Variants in ADAMTS2 observed in about 807,000 individuals in gnomAD.
ADAMTS2 encodes A disintegrin and metalloproteinase with thrombospondin motifs 2.
In ADAMTS2, 50 loss-of-function variants were observed where a neutral mutation model predicts 123.0. The ratio of observed to expected loss-of-function variants is 0.41; its 90% CI spans 0.32 to 0.51. The LOEUF is 0.51. ADAMTS2 is among the 20% of genes least tolerant of loss of function. ADAMTS2 has a pLI of 0.35. For synonymous variants in ADAMTS2, 678 were observed against 695.4 expected (o/e 0.98, Z 0.39); for missense variants, 1,494 against 1,705.2 (o/e 0.88, Z 2.18).
At chr5:179,315,903 G>A (rs1561733124) in intron 2 of ADAMTS2, among the ~76,000 whole-genome samples, 1 of 152,152 alleles carries the variant, frequency 6.6e-6, no homozygotes, top group Non-Finnish European at 1.5e-5. Flanking sequence ...TGCGAGACGT[G>A]GGCAAGTCCC....
rs1046708764 is a variant in ADAMTS2, at chr5:179,307,641, C to T, written c.535-34577G>A. 7.2e-5 allele frequency among the ~76,000 whole-genome samples: 11 copies of T among 152,184 alleles called. No homozygotes were observed. The highest frequency in any genetic ancestry group is 1.9e-4 in the African/African-American group (8 of 41,448). ...GCGGCTTCCCACCACATGACTGCCC[C>T]GGTCCCCGCTGATTTCTCCTTCACT... On this transcript the variant is annotated intron_variant, in intron 2 of 21. Transcript: ENST00000251582. The surrounding 1 kb of genome is among the most constrained non-coding windows in gnomAD (Gnocchi z 5.6).
rs973462773 is a variant in ADAMTS2 at position 179,118,509 on chromosome 5, C to T, written c.3178+3152G>A. On this transcript the variant is annotated intron_variant, in intron 21 of 21. Coordinates refer to ENST00000251582, the MANE Select transcript of ADAMTS2 (RefSeq NM_014244.5). This position sits in a 1 kb window ranked among gnomAD's most constrained non-coding sequence, Gnocchi z 4.5. ...TAAACTTAAGTCACTGTAGGCTACT[C>T]CCACGATCTTGGCTACACCTGAACA... Among the ~76,000 whole-genome samples the T allele has an allele frequency of 3.3e-5, 5 of 152,160 alleles. No homozygotes were observed. The highest frequency in any genetic ancestry group is 6.5e-5 in the Admixed American group (1 of 15,274).
chr5:179,270,268 G>A (rs1433426825), intron 3 of ADAMTS2, among the ~76,000 whole-genome samples: 3 of 152,118 alleles, frequency 2.0e-5, no homozygotes. Context: ...CTGAAAAGGA[G>A]GCACCCCTGA....
At position 179,117,818 on chromosome 5, in the gene ADAMTS2, A is replaced by G. The variant is rs189342110; in HGVS notation, c.3179-3494T>C. Among the ~76,000 whole-genome samples the G allele has an allele frequency of 8.3e-3, 1,267 of 152,150 alleles. 15 individuals are homozygous for G. The highest frequency in any genetic ancestry group is 0.029 in the African/African-American group (1,208 of 41,512). The stretch of plus-strand genomic sequence containing the variant: ...CCCAAAGTGCTGGGATTACAGGTGT[A>G]AGCCACTGTGCCCGGCCCATGCATT... On this transcript the variant is annotated intron_variant, in intron 21 of 21. Transcript: ENST00000251582. This position sits in a 1 kb window ranked among gnomAD's most constrained non-coding sequence, Gnocchi z 4.2.
intron 3 of ADAMTS2, among the ~76,000 whole-genome samples, chr5:179,269,826 T>C (rs1037014693): frequency 1.3e-5 from 2 of 152,018 alleles, no homozygotes; most frequent in African/African-American, 2.4e-5. Flanking sequence ...AGAACAGGGA[T>C]TGGAGATGCC....
At position 179,188,621 on chromosome 5, in the gene ADAMTS2, G is replaced by A. The variant is rs1327892966; in HGVS notation, c.892-7466C>T. 6.6e-6 allele frequency among the ~76,000 whole-genome samples: 1 copy of A among 152,160 alleles called. No homozygotes were observed. The highest frequency in any genetic ancestry group is 2.4e-5 in the African/African-American group (1 of 41,434). ...ACTACCATGAAACGGAAATGGCCAG[G>A]ATCAGAATTACTAGGCTCAGTTCAT... On this transcript the variant is annotated intron_variant, in intron 4 of 21. Transcript: ENST00000251582. The surrounding 1 kb of genome is among the most constrained non-coding windows in gnomAD (Gnocchi z 5.1).
chr5:179,310,148 C>T (rs1230126487), intron 2 of ADAMTS2, among the ~76,000 whole-genome samples: 1 of 152,234 alleles, frequency 6.6e-6, no homozygotes, highest in African/African-American at 2.4e-5. Flanking sequence ...CCAGGGCTCC[C>T]TGCACGTCCC....
At chr5:179,236,979 G>T (rs115051671) in intron 3 of ADAMTS2, among the ~76,000 whole-genome samples, 2 of 152,104 alleles carry the variant, frequency 1.3e-5, no homozygotes, top group African/African-American at 4.8e-5. Context: ...CCATGGCCAG[G>T]TGCAGTGGCT....
At chr5:179,239,919 A>T (rs893014523) in intron 3 of ADAMTS2, among the ~76,000 whole-genome samples, 4 of 152,162 alleles carry the variant, frequency 2.6e-5, no homozygotes, top group Admixed American at 1.3e-4. Flanking sequence ...GAGGATTGGC[A>T]GGGAGATGCA....
At chr5:179,220,316 C>T (rs1196794270) in intron 3 of ADAMTS2, among the ~76,000 whole-genome samples, 1 of 152,170 alleles carries the variant, frequency 6.6e-6, no homozygotes, top group African/African-American at 2.4e-5. Flanking sequence ...GCCAGTGCCA[C>T]GGGACCCATG....
chr5:179,207,475 T>TGGCCCCCCC, intron 4 of ADAMTS2, 38 bp downstream of exon 4: 6 of 588,618 alleles, frequency 1.0e-5, no homozygotes, highest in East Asian at 7.5e-5. Context: ...TGGTTGACCC[T>TGGCCCCCCC]CCCCGCCCCA....
chr5:179,181,864 G>A lies in ADAMTS2; in HGVS notation c.892-709C>T, dbSNP rs890270767. Among the ~76,000 whole-genome samples, 2 of 150,048 alleles carry A rather than the reference G, an allele frequency of 1.3e-5. No homozygotes were observed. Among genetic ancestry groups the A allele is most frequent in the Non-Finnish European group, 3.0e-5 (2 of 66,730 alleles). On this transcript the variant is annotated intron_variant, in intron 4 of 21. Coordinates refer to ENST00000251582, the MANE Select transcript of ADAMTS2 (RefSeq NM_014244.5). The surrounding 1 kb of genome is among the most constrained non-coding windows in gnomAD (Gnocchi z 4.1). ...AAAGGGACCCGTGGCACAAAAACAG[G>A]GGGGTGAACTCCCCTTCTACAGAAC...
intron 3 of ADAMTS2, among the ~76,000 whole-genome samples, chr5:179,249,073 A>ATT (rs1219378344): frequency 1.3e-5 from 2 of 152,206 alleles, no homozygotes; most frequent in African/African-American, 4.8e-5. Context: ...CTAGAAATCA[A>ATT]TGACAGAAGA....
At position 179,121,643 on chromosome 5, in the gene ADAMTS2, T is replaced by C; in HGVS notation, c.3178+18A>G. 6.3e-7 allele frequency: 1 copy of C among 1,594,332 alleles called. No homozygotes were observed. Among genetic ancestry groups the C allele is most frequent in the Non-Finnish European group, 8.6e-7 (1 of 1,168,768 alleles). ...ATGCACTGGAGGGCAGAGGCAGAGT[T>C]ATAAACGGGTCGGTTACTTGACGAG... On this transcript the variant is annotated intron_variant, in intron 21 of 21. Transcript: ENST00000251582.
At position 179,127,981 on chromosome 5, in the gene ADAMTS2, C is replaced by T. The variant is rs142355768; in HGVS notation, c.2595G>A (p.Pro865=). ...VYEWALKKWS[P]CSKPCGGGSQ... Reference sequence around the variant, plus strand: ...CACCTCCGCCACAGGGCTTGGAGCACGGAGACCACTTCTTCAGGGCCCACT... The same window carrying T: ...CACCTCCGCCACAGGGCTTGGAGCATGGAGACCACTTCTTCAGGGCCCACT... Residue 865 remains proline (P), a synonymous_variant, in exon 17 of 22, where the codon CCG becomes CCA. Transcript: ENST00000251582. 7.4e-6 allele frequency: 12 copies of T among 1,613,878 alleles called. No individual in the cohort carries two copies. The highest frequency in any genetic ancestry group is 5.3e-5 in the African/African-American group (4 of 74,944).
chr5:179,287,742 T>A (rs1485189617), intron 2 of ADAMTS2, among the ~76,000 whole-genome samples: 4 of 152,170 alleles, frequency 2.6e-5, no homozygotes, highest in African/African-American at 7.2e-5. Context: ...CGGGTGCTCC[T>A]CCAGGAGGGG....
intron 19 of ADAMTS2, among the ~76,000 whole-genome samples, chr5:179,123,490 A>G (rs1453970507): frequency 6.6e-6 from 1 of 152,164 alleles, no homozygotes; most frequent in Non-Finnish European, 1.5e-5. Context: ...CAGTGGCACG[A>G]TATCAGCACA....
intron 2 of ADAMTS2, among the ~76,000 whole-genome samples, chr5:179,315,520 A>G (rs76025810): frequency 0.044 from 6,755 of 152,352 alleles, 506 homozygotes; most frequent in African/African-American, 0.15. Context: ...AGGAGAAGCC[A>G]GAGCTAGAAG....
chr5:179,254,072 C>A (rs1447641746), intron 3 of ADAMTS2, among the ~76,000 whole-genome samples: 1 of 152,246 alleles, frequency 6.6e-6, no homozygotes, highest in African/African-American at 2.4e-5. Flanking sequence ...CTAGGAGGGG[C>A]CTCCCTTAGG....
Sources: gnomAD v4.1 joint callset for allele counts (sites outside exome capture counted in the v4.1 genomes callset) on GRCh38, gnomAD v4.1.1 for gene constraint, Gnocchi (gnomAD v3.1) non-coding constraint, MANE v1.5 for transcripts, NCBI Gene and HGNC (gene_info 2026-07-23, HGNC 2026-07-21) for gene names.